DMD: variants seen among roughly 807,000 people sequenced by gnomAD.
DMD encodes mutant dystrophin.
A neutral mutation model predicts 330.1 loss-of-function variants in DMD; 63 were observed. The observed-to-expected ratio is 0.19, with a 90% confidence interval of 0.16 to 0.24. The LOEUF (loss-of-function observed/expected upper bound fraction) is 0.24. DMD is among the 10% of genes least tolerant of loss of function. The probability of loss-of-function intolerance (pLI) is 1.00; values close to 1 mark genes in which losing one functional copy is unlikely to be tolerated. For synonymous variants in DMD, 1,223 were observed against 959.8 expected, an observed-to-expected ratio of 1.27 and a Z score of -5.07; for missense variants, 3,344 against 2,684.1, an observed-to-expected ratio of 1.25 and a Z score of -5.43.
At chrX:32,826,022 A>C (rs1043736720) in intron 4 of DMD, among the ~76,000 whole-genome samples, 1 of 111,192 alleles carries the variant, frequency 9.0e-6, no homozygotes, top group African/African-American at 3.3e-5. Context: ...CTCAAACCCT[A>C]TCTAGGGCAA....
intron 1 of DMD, among the ~76,000 whole-genome samples, chrX:33,119,745 A>C (rs2095411750): frequency 8.9e-6 from 1 of 112,307 alleles, no homozygotes; most frequent in Non-Finnish European, 1.9e-5. Context: ...GGCCATGTAG[A>C]GTATGGAGTG....
chrX:33,100,347 A>T (rs2095225033), intron 1 of DMD, among the ~76,000 whole-genome samples: 1 of 112,215 alleles, frequency 8.9e-6, no homozygotes, highest in Admixed American at 9.5e-5. Flanking sequence ...CTCTGTTTTA[A>T]AATTATACTT....
At chrX:32,024,288 C>T (rs913430452) in intron 44 of DMD, among the ~76,000 whole-genome samples, 1 of 109,666 alleles carries the variant, frequency 9.1e-6, no homozygotes, top group Non-Finnish European at 1.9e-5. Context: ...AACTCGAGAC[C>T]AGCCTGGTCA....
rs1052635736 is a variant in DMD at position 32,993,827 on chromosome X, T to C, written c.93+26312A>G. 4.9e-4 allele frequency among the ~76,000 whole-genome samples: 54 copies of C among 110,491 alleles called. 1 individual carries two copies. The highest frequency in any genetic ancestry group is 1.6e-3 in the African/African-American group (48 of 30,407). The stretch of plus-strand genomic sequence containing the variant: ...ATTTCCTCGCCTATCACAAGGTTCA[T>C]AGCTGAGACCCCTATAGCAAAAGAA... On this transcript the variant is annotated intron_variant, in intron 2 of 78. Coordinates refer to ENST00000357033, the MANE Select transcript of DMD (RefSeq NM_004006.3).
At chrX:33,182,839 A>C (rs1474901250) in intron 1 of DMD, among the ~76,000 whole-genome samples, 1 of 112,479 alleles carries the variant, frequency 8.9e-6, no homozygotes. Context: ...ACAGAAAACT[A>C]ACTTTTTGTG....
At chrX:32,812,838 A>T (rs927712267) in intron 6 of DMD, among the ~76,000 whole-genome samples, 2 of 111,759 alleles carry the variant, frequency 1.8e-5, no homozygotes, top group African/African-American at 6.5e-5. Context: ...AAAAAAATTT[A>T]AAAATTGTAG....
chrX:31,361,685 G>T (rs1161738498), intron 60 of DMD, among the ~76,000 whole-genome samples: 2 of 110,685 alleles, frequency 1.8e-5, no homozygotes, highest in Admixed American at 9.6e-5. Context: ...ATGATTCAGA[G>T]ATTCCTGAGA....
At chrX:31,201,918 A>G (rs1272793567) in intron 67 of DMD, among the ~76,000 whole-genome samples, 1 of 111,933 alleles carries the variant, frequency 8.9e-6, no homozygotes, top group Non-Finnish European at 1.9e-5. Context: ...ACTAAAGGGG[A>G]AAAATGATTA....
At position 31,987,643 on chromosome X, in the gene DMD, C is replaced by G. The variant is rs758668779; in HGVS notation, c.6439-19129G>C. Among the ~76,000 whole-genome samples the G allele has an allele frequency of 1.8e-3, 198 of 112,059 alleles. 2 individuals carry two copies. The highest frequency in any genetic ancestry group is 2.9e-3 in the Non-Finnish European group (154 of 53,157). On this transcript the variant is annotated intron_variant, in intron 44 of 78. Transcript: ENST00000357033. ...GCAAATCAAAACCACAATGAGATAT[C>G]ATCTCATTCCAGTTAGAATGGCTAT...
intron 62 of DMD, among the ~76,000 whole-genome samples, chrX:31,275,839 A>T (rs2052066665): frequency 9.0e-6 from 1 of 111,269 alleles, no homozygotes; most frequent in Admixed American, 9.6e-5. Context: ...GGAAAAGGAA[A>T]AGTGTAGGAT....
At chrX:32,615,993 C>T (rs956296819) in intron 11 of DMD, among the ~76,000 whole-genome samples, 16 of 111,015 alleles carry the variant, frequency 1.4e-4, no homozygotes, top group African/African-American at 5.2e-4. Context: ...GACAGTTTCT[C>T]AGAATTTTTC....
At chrX:31,807,014 T>C (rs959605947) in intron 50 of DMD, among the ~76,000 whole-genome samples, 1 of 111,793 alleles carries the variant, frequency 8.9e-6, no homozygotes, top group Non-Finnish European at 1.9e-5. Flanking sequence ...AAATTGCAGA[T>C]GGGAGGCAAA....
At chrX:31,162,284 A>T (rs1231197840) in intron 74 of DMD, among the ~76,000 whole-genome samples, 4 of 99,463 alleles carry the variant, frequency 4.0e-5, no homozygotes, top group Non-Finnish European at 6.0e-5. Context: ...TCATGACCAT[A>T]ATCAATTCTA....
intron 1 of DMD, among the ~76,000 whole-genome samples, chrX:33,039,510 C>CT (rs965759302): frequency 9.0e-6 from 1 of 111,195 alleles, no homozygotes; most frequent in Non-Finnish European, 1.9e-5. Context: ...TTTGAGTCAC[C>CT]TTTTTTCTTC....
intron 1 of DMD, among the ~76,000 whole-genome samples, chrX:33,261,924 A>AACC (rs747997803): frequency 0.021 from 2,087 of 100,869 alleles, 40 homozygotes; most frequent in African/African-American, 0.067. Context: ...AAAGGCAGAA[A>AACC]ACCACCACCA....
chrX:31,592,380 CTA>C (rs34388625), intron 55 of DMD, among the ~76,000 whole-genome samples: 20,885 of 91,927 alleles, frequency 0.23, 1,902 homozygotes, highest in African/African-American at 0.3. Flanking sequence ...CATATATATT[CTA>C]TATATATATA....
At position 32,487,967 on chromosome X, in the gene DMD, T is replaced by A. The variant is rs182803084; in HGVS notation, c.2623-2868A>T. On this transcript the variant is annotated intron_variant, in intron 20 of 78. Coordinates refer to ENST00000357033, the MANE Select transcript of DMD (RefSeq NM_004006.3). The stretch of plus-strand genomic sequence containing the variant: ...AGATTTACAAATGGCAGCATTGGCA[T>A]CTACTGTGAACCATTAAGAACCTGA... 2.1e-3 allele frequency among the ~76,000 whole-genome samples: 230 copies of A among 111,834 alleles called. 1 individual carries two copies. The highest frequency in any genetic ancestry group is 6.9e-3 in the African/African-American group (212 of 30,842).
At chrX:32,966,121 A>G (rs2092142615) in intron 2 of DMD, among the ~76,000 whole-genome samples, 1 of 112,163 alleles carries the variant, frequency 8.9e-6, no homozygotes, top group East Asian at 2.8e-4. Context: ...AAGGAGTTAA[A>G]TATTAACTTC....
At chrX:32,183,524 G>C (rs957390447) in intron 44 of DMD, among the ~76,000 whole-genome samples, 4 of 102,616 alleles carry the variant, frequency 3.9e-5, no homozygotes, top group African/African-American at 1.4e-4. Context: ...TGACCCATTA[G>C]TCCAAATACA....
Sources: gnomAD v4.1 joint callset for allele counts (sites outside exome capture counted in the v4.1 genomes callset) on GRCh38, gnomAD v4.1.1 for gene constraint, MANE v1.5 for transcripts, NCBI Gene and HGNC (gene_info 2026-07-23, HGNC 2026-07-21) for gene names.